SPATA9: variants seen among roughly 807,000 people sequenced by gnomAD.
The protein encoded by SPATA9 is spermatogenesis-associated protein 9.
A neutral mutation model predicts 25.5 loss-of-function variants in SPATA9; 27 were observed. That is an observed-to-expected ratio of 1.06 (90% CI 0.78 to 1.46). SPATA9 has a LOEUF of 1.46. SPATA9 is among the 40% of genes most tolerant of loss of function. The pLI is 0.00. For missense variants in SPATA9, 282 were observed against 297.5 expected (o/e 0.95, Z 0.38); for synonymous variants, 102 against 105.7 (o/e 0.97, Z 0.21).
intron 3 of SPATA9, among the ~76,000 whole-genome samples, chr5:95,666,024 C>T (rs766876312): frequency 5.3e-5 from 8 of 152,200 alleles, no homozygotes; most frequent in South Asian, 2.1e-4. Flanking sequence ...TTTTGTTGAA[C>T]GAACACTTAC....
chr5:95,692,664 T>C (rs1580356517), intron 1 of SPATA9, among the ~76,000 whole-genome samples: 3 of 152,168 alleles, frequency 2.0e-5, no homozygotes. Flanking sequence ...GAAAGAAGAG[T>C]TCTTTTCAAT....
At chr5:95,672,242 G>A (rs1752454107) in intron 3 of SPATA9, among the ~76,000 whole-genome samples, 1 of 152,072 alleles carries the variant, frequency 6.6e-6, no homozygotes, top group Non-Finnish European at 1.5e-5. Flanking sequence ...ACCAGAACAG[G>A]AAAAAAGGAA....
intron 4 of SPATA9, 69 bp from the exon 5 acceptor site, chr5:95,658,982 C>CA: frequency 6.6e-7 from 1 of 1,515,250 alleles, no homozygotes; most frequent in East Asian, 2.3e-5. Context: ...TAAAAACATA[C>CA]AATATAGTGT....
chr5:95,724,524 T>C, the SPATA9 span, among the ~76,000 whole-genome samples: 1 of 152,214 alleles, frequency 6.6e-6, no homozygotes, highest in Non-Finnish European at 1.5e-5. Flanking sequence ...TTTCAAACAC[T>C]GGGTAAGGGC....
chr5:95,702,399 C>T (rs1754200848), upstream of SPATA9, among the ~76,000 whole-genome samples: 1 of 152,200 alleles, frequency 6.6e-6, no homozygotes, highest in Non-Finnish European at 1.5e-5. Flanking sequence ...CCAGGCACAA[C>T]TCTGGGAGAG....
chr5:95,723,997 C>A, the SPATA9 span, among the ~76,000 whole-genome samples: 4 of 152,134 alleles, frequency 2.6e-5, no homozygotes, highest in Admixed American at 2.6e-4. Context: ...AAGATCAAAT[C>A]AATCATAGTT....
chr5:95,731,599 G>T, the SPATA9 span: 1 of 1,589,946 alleles, frequency 6.3e-7, no homozygotes, highest in East Asian at 2.3e-5. Context: ...GCGGATTGCG[G>T]GTGAACTCGC....
intron 2 of SPATA9, among the ~76,000 whole-genome samples, chr5:95,679,913 T>C (rs1208473004): frequency 6.6e-6 from 1 of 152,268 alleles, no homozygotes; most frequent in Non-Finnish European, 1.5e-5. Flanking sequence ...TGTTTGTTTT[T>C]TTGAGACGGA....
At chr5:95,731,701 G>C in the SPATA9 span, 1 of 1,613,104 alleles carries the variant, frequency 6.2e-7, no homozygotes, top group Non-Finnish European at 8.5e-7. Flanking sequence ...ACGCGCCGCC[G>C]TCCTGCCATT....
chr5:95,691,991 T>G (rs954422906), intron 1 of SPATA9, among the ~76,000 whole-genome samples: 5 of 152,180 alleles, frequency 3.3e-5, no homozygotes, highest in African/African-American at 1.2e-4. Flanking sequence ...AAGTATGTAT[T>G]GGCTTTCCTG....
the SPATA9 span, among the ~76,000 whole-genome samples, chr5:95,704,398 AATCTT>A: frequency 1.3e-5 from 2 of 152,208 alleles, no homozygotes; most frequent in Non-Finnish European, 2.9e-5. Context: ...GGAGATGGCA[AATCTT>A]TCTGTGGAAT....
At chr5:95,683,032 C>T, upstream of SPATA9, 1 of 1,257,326 alleles carries the variant, frequency 8.0e-7, no homozygotes, top group Non-Finnish European at 1.0e-6. Flanking sequence ...TTCCGAGAAC[C>T]TGCTACAGAA....
intron 4 of SPATA9, among the ~76,000 whole-genome samples, chr5:95,662,395 A>G (rs1751347581): frequency 6.6e-6 from 1 of 152,182 alleles, no homozygotes; most frequent in South Asian, 2.1e-4. Context: ...AGATTAATAA[A>G]TTGGATGACA....
intron 1 of SPATA9, among the ~76,000 whole-genome samples, chr5:95,688,335 C>T (rs866508758): frequency 6.6e-6 from 1 of 152,070 alleles, no homozygotes; most frequent in Non-Finnish European, 1.5e-5. Context: ...TCACTGCAGC[C>T]CCAAACTCCT....
At chr5:95,730,610 A>G in the SPATA9 span, among the ~76,000 whole-genome samples, 2 of 152,334 alleles carry the variant, frequency 1.3e-5, no homozygotes, top group Admixed American at 1.3e-4. Context: ...TCTCCAAGTA[A>G]ACTGGCATTT....
At chr5:95,697,587 G>A (rs1238633722) in intron 1 of SPATA9, among the ~76,000 whole-genome samples, 3 of 152,182 alleles carry the variant, frequency 2.0e-5, no homozygotes, top group African/African-American at 7.2e-5. Flanking sequence ...GGGAGGGAAG[G>A]TAACCTCCGT....
chr5:95,675,532 G>T lies in SPATA9; in HGVS notation c.258C>A (p.Ser86=). The change falls in exon 3 of 5, where the codon TCC becomes TCA. Residue 86 remains serine, a synonymous_variant. Coordinates refer to ENST00000274432, the MANE Select transcript of SPATA9 (RefSeq NM_031952.4). The part of the protein sequence containing the change: ...IRGLNSISRS[S]KSVAKLLHPQ... ...GATGCAGAAGTTTGGCCACTGATTTGGAGGATCTGGATATGCTGTTTAATC... is the reference window on the plus strand; with the variant it reads ...GATGCAGAAGTTTGGCCACTGATTTTGAGGATCTGGATATGCTGTTTAATC... 1 of 1,614,128 alleles carries T rather than the reference G, an allele frequency of 6.2e-7. No homozygotes were observed. Among genetic ancestry groups the T allele is most frequent in the Non-Finnish European group, 8.5e-7 (1 of 1,180,028 alleles).
the SPATA9 span, among the ~76,000 whole-genome samples, chr5:95,705,242 C>T: frequency 3.3e-5 from 5 of 152,188 alleles, no homozygotes; most frequent in African/African-American, 9.7e-5. Flanking sequence ...GCTGCGATTA[C>T]AGGCGTGAGC....
chr5:95,667,012 T>C (rs1433415194), intron 3 of SPATA9, among the ~76,000 whole-genome samples: 2 of 152,242 alleles, frequency 1.3e-5, no homozygotes, highest in African/African-American at 4.8e-5. Context: ...TCTATTCTAC[T>C]GGCTTTCCTT....
Sources: allele counts gnomAD v4.1 joint callset (sites outside exome capture counted in the v4.1 genomes callset), GRCh38; gene constraint gnomAD v4.1.1; transcripts MANE v1.5; gene names NCBI Gene and HGNC (gene_info 2026-07-23, HGNC 2026-07-21).